RBFOX1: variants seen among roughly 807,000 people sequenced by gnomAD.
RBFOX1 encodes the protein RNA binding protein fox-1 homolog 1.
A neutral mutation model predicts 57.7 loss-of-function variants in RBFOX1; 8 were observed. The ratio of observed to expected loss-of-function variants is 0.14; its 90% CI spans 0.08 to 0.25. The LOEUF (loss-of-function observed/expected upper bound fraction) is 0.25, where lower values mean the gene tolerates loss of function less well. Ranked by LOEUF, RBFOX1 falls within the 10% of genes least tolerant of loss-of-function variation. The pLI, the probability that RBFOX1 is intolerant of heterozygous loss-of-function variation, is 1.00. For missense variants in RBFOX1, 611 were observed against 548.5 expected, an observed-to-expected ratio of 1.11 and a Z score of -1.14; for synonymous variants, 326 against 222.4, an observed-to-expected ratio of 1.47 and a Z score of -4.15.
chr16:5,973,341 C>T (rs1490351777), intron 4 of RBFOX1, among the ~76,000 whole-genome samples: 1 of 152,156 alleles, frequency 6.6e-6, no homozygotes, highest in Non-Finnish European at 1.5e-5. Context: ...GAACTCTATT[C>T]CCTGACCACT....
intron 3 of RBFOX1, among the ~76,000 whole-genome samples, chr16:6,655,521 A>G (rs943043491): frequency 1.3e-5 from 2 of 151,842 alleles, no homozygotes; most frequent in Non-Finnish European, 2.9e-5. Flanking sequence ...GAGTCCCCTC[A>G]CCCATTTATC....
chr16:6,217,738 G>C (rs907777513), intron 1 of RBFOX1, among the ~76,000 whole-genome samples: 1 of 152,144 alleles, frequency 6.6e-6, no homozygotes, highest in Non-Finnish European at 1.5e-5. Context: ...GCATAGGCTG[G>C]GCACAGTGGC....
chr16:7,511,405 A>C (rs1277848455), intron 4 of RBFOX1, among the ~76,000 whole-genome samples: 1 of 152,012 alleles, frequency 6.6e-6, no homozygotes, highest in Non-Finnish European at 1.5e-5. Flanking sequence ...TTTCTCTCTG[A>C]CTCTGTCTCC....
At chr16:6,270,115 A>G (rs948677351) in intron 1 of RBFOX1, among the ~76,000 whole-genome samples, 26 of 152,166 alleles carry the variant, frequency 1.7e-4, no homozygotes, top group Non-Finnish European at 3.5e-4. Flanking sequence ...GCAAATTAAA[A>G]TTTAATTATG....
chr16:7,078,074 T>C (rs1418804210), intron 4 of RBFOX1, among the ~76,000 whole-genome samples: 3 of 152,210 alleles, frequency 2.0e-5, no homozygotes, highest in African/African-American at 7.2e-5. Context: ...TTTGCCTCTC[T>C]CTACCACTTG....
In RBFOX1 at chr16:6,296,540, C is replaced by A. The variant is rs2078135346; in HGVS notation, c.-126-20455C>A. ...GGTTCAGGCCATTCTCCTGCCTCAG[C>A]CTCCCGTGTAGCTGGGACTACAGGC... is the stretch of plus-strand genomic sequence containing the variant. On this transcript the variant is annotated intron_variant, in intron 1 of 15. Transcript: ENST00000550418. Among the ~76,000 whole-genome samples, 2 of 152,004 alleles carry A rather than the reference C, an allele frequency of 1.3e-5. 1 individual carries two copies. The highest frequency in any genetic ancestry group is 4.1e-4 in the South Asian group (2 of 4,822).
At chr16:6,450,808 T>TAC (rs1338871606) in intron 2 of RBFOX1, among the ~76,000 whole-genome samples, 314 of 14,794 alleles carry the variant, frequency 0.021, 34 homozygotes, top group African/African-American at 0.12. Context: ...TATGTATATA[T>TAC]ATATATATAC....
At chr16:6,516,136 C>T (rs571305061) in intron 2 of RBFOX1, among the ~76,000 whole-genome samples, 3 of 152,278 alleles carry the variant, frequency 2.0e-5, no homozygotes, top group South Asian at 2.1e-4. Flanking sequence ...TCAAGCAGTT[C>T]TTCTGCTTCA....
intron 2 of RBFOX1, among the ~76,000 whole-genome samples, chr16:6,345,919 GA>G (rs780156693): frequency 6.6e-6 from 1 of 152,176 alleles, no homozygotes; most frequent in East Asian, 1.9e-4. Context: ...GTTTGGTCTG[GA>G]AAGGCAGGAC....
chr16:7,230,810 C>T (rs995378922), intron 4 of RBFOX1, among the ~76,000 whole-genome samples: 5 of 152,108 alleles, frequency 3.3e-5, no homozygotes, highest in Non-Finnish European at 7.4e-5. Context: ...CTTTTTTGGT[C>T]AGTTTGTTTT....
intron 11 of RBFOX1, among the ~76,000 whole-genome samples, chr16:7,650,939 T>C (rs939776476): frequency 3.3e-5 from 5 of 152,194 alleles, no homozygotes; most frequent in Non-Finnish European, 7.3e-5. Context: ...TTTACTCGTG[T>C]TCCCCATTAA....
chr16:6,985,111 C>T (rs1281640133), intron 3 of RBFOX1, among the ~76,000 whole-genome samples: 1 of 150,126 alleles, frequency 6.7e-6, no homozygotes, highest in Non-Finnish European at 1.5e-5. Context: ...TCCTTCCTTC[C>T]CCTACCCTAC....
At chr16:6,145,059 T>C (rs1049469087) in intron 1 of RBFOX1, among the ~76,000 whole-genome samples, 1 of 152,086 alleles carries the variant, frequency 6.6e-6, no homozygotes, top group Non-Finnish European at 1.5e-5. Context: ...TTAAAGTTCA[T>C]GGGCACAAGT....
At chr16:7,531,076 A>C (rs1267729792) in intron 5 of RBFOX1, among the ~76,000 whole-genome samples, 1 of 152,218 alleles carries the variant, frequency 6.6e-6, no homozygotes, top group African/African-American at 2.4e-5. Flanking sequence ...AGGACCAGTT[A>C]ATGTGAAGGC....
rs370034821 is a variant in RBFOX1 at position 5,266,613 on chromosome 16, T to C, written c.219+26508T>C. Among the ~76,000 whole-genome samples the C allele has an allele frequency of 4.1e-5, 6 of 147,612 alleles. No homozygotes were observed. The East Asian group carries it at 6.1e-4, about 15-fold the overall frequency. ...CCCAGGCTGGAGCACAGTGGCACGA[T>C]CATGGCTCACTGCAGCCTCTGTCTC... On this transcript the variant is annotated intron_variant, in intron 1 of 2. Coordinates refer to the RBFOX1 transcript ENST00000585867.
chr16:7,407,174 A>T (rs1475178745), intron 4 of RBFOX1, among the ~76,000 whole-genome samples: 1 of 152,134 alleles, frequency 6.6e-6, no homozygotes, highest in East Asian at 1.9e-4. Context: ...AGAGCAGTAT[A>T]CACTGAATCT....
intron 1 of RBFOX1, among the ~76,000 whole-genome samples, chr16:5,455,648 T>C (rs1424518920): frequency 6.6e-6 from 1 of 152,208 alleles, no homozygotes; most frequent in African/African-American, 2.4e-5. Context: ...AGACCCATTA[T>C]TTCCCTTTTT....
intron 3 of RBFOX1, among the ~76,000 whole-genome samples, chr16:6,912,576 TCTTTCTTG>T (rs758651150): frequency 6.6e-6 from 1 of 151,858 alleles, no homozygotes; most frequent in South Asian, 2.1e-4. Context: ...TTTTACTTTT[TCTTTCTTG>T]CTTTCTTGCT....
At chr16:5,598,815 G>C (rs1007512348) in intron 2 of RBFOX1, 2 of 1,010,174 alleles carry the variant, frequency 2.0e-6, no homozygotes, top group African/African-American at 1.6e-5. Flanking sequence ...ATTCTGGGTT[G>C]TGCTAAACTG....
Sources: allele counts gnomAD v4.1 joint callset (sites outside exome capture counted in the v4.1 genomes callset), GRCh38; gene constraint gnomAD v4.1.1; transcripts MANE v1.5; gene names NCBI Gene and HGNC (gene_info 2026-07-23, HGNC 2026-07-21).